Variants in PLXDC2 observed in about 807,000 individuals in gnomAD.
PLXDC2 encodes plexin domain containing 2.
In PLXDC2, 40 loss-of-function variants were observed where a neutral mutation model predicts 68.9. That is an observed-to-expected ratio of 0.58 (90% CI 0.45 to 0.76). The LOEUF is 0.76. Ranked by LOEUF, PLXDC2 falls within the 30% of genes least tolerant of loss-of-function variation. The pLI, the probability that PLXDC2 is intolerant of heterozygous loss-of-function variation, is 0.00. For synonymous variants in PLXDC2, 243 were observed against 234.2 expected, an observed-to-expected ratio of 1.04 and a Z score of -0.34; for missense variants, 644 against 661.9, an observed-to-expected ratio of 0.97 and a Z score of 0.30.
chr10:19,847,316 T>C (rs1324315066), intron 1 of PLXDC2, among the ~76,000 whole-genome samples: 1 of 152,210 alleles, frequency 6.6e-6, no homozygotes, highest in Non-Finnish European at 1.5e-5. Context: ...TGGATTTTCA[T>C]GTGTGGCAAA....
At chr10:20,052,420 G>A (rs560120314) in intron 3 of PLXDC2, among the ~76,000 whole-genome samples, 10 of 151,644 alleles carry the variant, frequency 6.6e-5, no homozygotes, top group Non-Finnish European at 1.3e-4. Flanking sequence ...TAATATTAAG[G>A]TAATATTGTG....
At chr10:20,214,124 G>A in intron 10 of PLXDC2, among the ~76,000 whole-genome samples, 1 of 151,870 alleles carries the variant, frequency 6.6e-6, no homozygotes. Context: ...GTATTTTATA[G>A]TTTCATGTGA....
At chr10:20,226,787 C>G (rs886115979) in intron 12 of PLXDC2, among the ~76,000 whole-genome samples, 4 of 152,090 alleles carry the variant, frequency 2.6e-5, no homozygotes, top group Non-Finnish European at 4.4e-5. Flanking sequence ...AATAATTGAC[C>G]ACCTCCCTTT....
intron 12 of PLXDC2, among the ~76,000 whole-genome samples, chr10:20,230,740 G>GAACCATTATA (rs1441999300): frequency 7.8e-6 from 1 of 128,200 alleles, no homozygotes; most frequent in Non-Finnish European, 1.7e-5. Context: ...ATTTCATTAG[G>GAACCATTATA]AACCATTATA....
At chr10:20,112,400 G>A (rs1200513226) in intron 4 of PLXDC2, among the ~76,000 whole-genome samples, 1 of 151,212 alleles carries the variant, frequency 6.6e-6, no homozygotes, top group African/African-American at 2.4e-5. Context: ...CCTCATTTTG[G>A]ATTTCAAATT....
At chr10:20,093,829 A>G (rs1833313231) in intron 4 of PLXDC2, among the ~76,000 whole-genome samples, 1 of 152,032 alleles carries the variant, frequency 6.6e-6, no homozygotes, top group African/African-American at 2.4e-5. Flanking sequence ...TAGCACCACC[A>G]TGCCTGGCTA....
chr10:20,078,195 C>T (rs1424227547), intron 4 of PLXDC2, among the ~76,000 whole-genome samples: 1 of 151,832 alleles, frequency 6.6e-6, no homozygotes, highest in African/African-American at 2.4e-5. Flanking sequence ...CTGGAAAACA[C>T]GGTGAGACTT....
intron 12 of PLXDC2, among the ~76,000 whole-genome samples, chr10:20,244,088 A>G (rs1286061827): frequency 6.6e-6 from 1 of 152,092 alleles, no homozygotes; most frequent in Non-Finnish European, 1.5e-5. Flanking sequence ...AAGAAAGAAA[A>G]AAAAAAGAAA....
At chr10:20,121,717 A>G (rs1237418548) in intron 4 of PLXDC2, among the ~76,000 whole-genome samples, 1 of 152,174 alleles carries the variant, frequency 6.6e-6, no homozygotes, top group Admixed American at 6.5e-5. Flanking sequence ...GTTTGGCACC[A>G]TGGGGTAGAT....
At chr10:20,204,416 T>C (rs954277075) in intron 9 of PLXDC2, among the ~76,000 whole-genome samples, 5 of 152,192 alleles carry the variant, frequency 3.3e-5, no homozygotes, top group African/African-American at 1.2e-4. Flanking sequence ...ATACTGATGC[T>C]TCTTTTTAAA....
At chr10:20,014,423 C>CTTCCTTCT (rs1835173507) in intron 2 of PLXDC2, among the ~76,000 whole-genome samples, 2 of 114,564 alleles carry the variant, frequency 1.7e-5, no homozygotes, top group African/African-American at 3.2e-5. Flanking sequence ...TCCTTCCTTC[C>CTTCCTTCT]TTCCTTCTTT....
chr10:20,234,761 G>C (rs1230096705), intron 12 of PLXDC2, among the ~76,000 whole-genome samples: 1 of 149,618 alleles, frequency 6.7e-6, no homozygotes, highest in Non-Finnish European at 1.5e-5. Flanking sequence ...TTCCTGGAGA[G>C]CTATAATGCG....
intron 1 of PLXDC2, among the ~76,000 whole-genome samples, chr10:19,835,521 T>C (rs1836773502): frequency 6.6e-6 from 1 of 152,144 alleles, no homozygotes; most frequent in South Asian, 2.1e-4. Context: ...GGACTGGGGC[T>C]CAGCAGGGAG....
intron 1 of PLXDC2, among the ~76,000 whole-genome samples, chr10:19,904,109 T>C (rs1000372617): frequency 6.6e-6 from 1 of 152,174 alleles, no homozygotes; most frequent in East Asian, 1.9e-4. Flanking sequence ...TATCATATGG[T>C]CTGTCTTGGA....
chr10:19,916,961 G>A (rs1298855348), intron 1 of PLXDC2, among the ~76,000 whole-genome samples: 2 of 152,070 alleles, frequency 1.3e-5, no homozygotes, highest in African/African-American at 4.8e-5. Context: ...TCAAAAAGAG[G>A]GATGATTAAA....
chr10:20,092,085 A>G (rs1167308180), intron 4 of PLXDC2, among the ~76,000 whole-genome samples: 1 of 152,212 alleles, frequency 6.6e-6, no homozygotes, highest in East Asian at 1.9e-4. Context: ...ATCCTAGGGA[A>G]CTGAACATAT....
intron 2 of PLXDC2, among the ~76,000 whole-genome samples, chr10:20,024,817 G>A (rs946399181): frequency 5.3e-5 from 8 of 152,090 alleles, no homozygotes; most frequent in Non-Finnish European, 1.2e-4. Flanking sequence ...AGAACATGCA[G>A]TATTTGTTTT....
chr10:19,901,231 AT>A (rs1296661281), intron 1 of PLXDC2, among the ~76,000 whole-genome samples: 2 of 151,988 alleles, frequency 1.3e-5, no homozygotes, highest in Non-Finnish European at 2.9e-5. Flanking sequence ...ATCTACTTTT[AT>A]TTCTTCAAGG....
At position 19,820,454 on chromosome 10, in the gene PLXDC2, A is replaced by AC. The variant is rs543505219; in HGVS notation, c.112+3267dup. On this transcript the variant is annotated intron_variant, in intron 1 of 13. Transcript: ENST00000377252. ...AGACCATCCTGGCTAACAAGGTGAG[A>AC]CCCCGTCTCTACTAAAAATACAAAA... is the stretch of plus-strand genomic sequence containing the variant. Among the ~76,000 whole-genome samples, 15 of 150,678 alleles carry AC rather than the reference A, an allele frequency of 1.0e-4. No homozygotes were observed. In the South Asian group the frequency reaches 2.5e-3, roughly 25 times the overall value.
Sources: allele counts gnomAD v4.1 joint callset (sites outside exome capture counted in the v4.1 genomes callset), GRCh38; gene constraint gnomAD v4.1.1; transcripts MANE v1.5; gene names NCBI Gene and HGNC (gene_info 2026-07-23, HGNC 2026-07-21).